The following GDAP1 variants were observed in gnomAD, a reference collection of about 807,000 sequenced individuals.
GDAP1 encodes the protein ganglioside-induced differentiation-associated protein 1.
In GDAP1, 34 loss-of-function variants were observed where a neutral mutation model predicts 40.1. The ratio of observed to expected loss-of-function variants is 0.85; its 90% confidence interval spans 0.64 to 1.13. GDAP1 has a LOEUF of 1.13. Ranked by LOEUF, GDAP1 falls within the 50% of genes most tolerant of loss-of-function variation. The pLI, the probability that GDAP1 is intolerant of heterozygous loss-of-function variation, is 0.00. For synonymous variants in GDAP1, 170 were observed against 157.4 expected, an observed-to-expected ratio of 1.08 and a Z score of -0.60; for missense variants, 374 against 433.7, an observed-to-expected ratio of 0.86 and a Z score of 1.22.
At chr8:74,424,727 G>C (rs1367556006) in intron 2 of GDAP1, among the ~76,000 whole-genome samples, 1 of 152,042 alleles carries the variant, frequency 6.6e-6, no homozygotes, top group African/African-American at 2.4e-5. Context: ...ATTCTGAGAG[G>C]GTGTTCATAG....
At position 74,422,285 on chromosome 8, in the gene GDAP1, T is replaced by TTTTCTTTCTTTCTTTC. The variant is rs556852017; in HGVS notation, c.166-66342_166-66327dup. ...TCTTTTTCTTTTCTTTTCTTTTTTC[T>TTTTCTTTCTTTCTTTC]TTTCTTTCTTTCTTTCTTTCTTTCT... On this transcript the variant is annotated intron_variant, in intron 2 of 2. Transcript: ENST00000523640. 1.7e-3 allele frequency among the ~76,000 whole-genome samples: 152 copies of TTTTCTTTCTTTCTTTC among 87,730 alleles called. 5 individuals are homozygous for TTTTCTTTCTTTCTTTC. The highest frequency in any genetic ancestry group is 2.5e-3 in the Admixed American group (18 of 7,300). The allele number at this position is 87,730 out of a possible 152,430, so 57.6% of individuals were successfully genotyped here. A position where few individuals can be genotyped will look rare whatever the true frequency, so the allele number is the denominator to read the frequency against.
Position 74,364,044 on chromosome 8 carries a change from G to A in GDAP1, c.754G>A (p.Ala252Thr), listed in dbSNP as rs778105019. 15 of 1,613,820 alleles carry A rather than the reference G, an allele frequency of 9.3e-6. No individual in the cohort carries two copies. The highest frequency in any genetic ancestry group is 2.2e-5 in the South Asian group (2 of 91,078). Residue 252 changes from alanine to threonine, a missense_variant, in exon 6 of 6, where the codon GCT (alanine) becomes ACT (threonine). Transcript: ENST00000220822. ...ESFTLADVSL[A>T]VTLHRLKFLG... ...CTTCACCCTGGCAGACGTCTCACTCGCTGTCACATTGCATCGACTGAAGTT... is the reference window on the plus strand; with the variant it reads ...CTTCACCCTGGCAGACGTCTCACTCACTGTCACATTGCATCGACTGAAGTT...
chr8:74,435,776 T>G lies in GDAP1; in HGVS notation c.166-52902T>G, dbSNP rs148445641. 4.7e-4 allele frequency among the ~76,000 whole-genome samples: 71 copies of G among 152,350 alleles called. 1 individual carries two copies. In the East Asian group the frequency reaches 0.013, roughly 27 times the overall value. ...CTCCAAATATCATAAATCAACTCTT[T>G]GATTTCTCTTTACTTTTTCTTCAGT... On this transcript the variant is annotated intron_variant, in intron 2 of 2. Coordinates refer to the GDAP1 transcript ENST00000523640.
intron 2 of GDAP1, among the ~76,000 whole-genome samples, chr8:74,394,662 G>A (rs1485449836): frequency 6.6e-6 from 1 of 151,980 alleles, no homozygotes; most frequent in African/African-American, 2.4e-5. Flanking sequence ...CACTATATAT[G>A]TCAATATTGA....
At chr8:74,422,324 T>C (rs1182677088) in intron 2 of GDAP1, among the ~76,000 whole-genome samples, 5,683 of 67,086 alleles carry the variant, frequency 0.085, 225 homozygotes, top group East Asian at 0.14. Flanking sequence ...TTTCTTTCTT[T>C]CTTTCTTTCT....
At chr8:74,477,415 T>C (rs1262487208) in intron 2 of GDAP1, among the ~76,000 whole-genome samples, 1 of 152,188 alleles carries the variant, frequency 6.6e-6, no homozygotes, top group East Asian at 1.9e-4. Flanking sequence ...TTTCTCATCT[T>C]TGTGGGCTAA....
At chr8:74,385,973 G>A (rs1287276075) in intron 2 of GDAP1, among the ~76,000 whole-genome samples, 2 of 152,158 alleles carry the variant, frequency 1.3e-5, no homozygotes, top group East Asian at 1.9e-4. Context: ...TTTATTGGCC[G>A]CATAAATGCC....
intron 2 of GDAP1, among the ~76,000 whole-genome samples, chr8:74,385,009 G>T (rs1810005147): frequency 6.6e-6 from 1 of 152,026 alleles, no homozygotes. Flanking sequence ...ATGCTAAATA[G>T]CTAAACACTA....
At chr8:74,397,438 A>G (rs1319986004) in intron 2 of GDAP1, among the ~76,000 whole-genome samples, 2 of 152,106 alleles carry the variant, frequency 1.3e-5, no homozygotes, top group Non-Finnish European at 2.9e-5. Flanking sequence ...GCCCATGCCT[A>G]TGTCCTGAAT....
intron 2 of GDAP1, among the ~76,000 whole-genome samples, chr8:74,429,310 A>G (rs182910688): frequency 1.3e-5 from 2 of 152,148 alleles, no homozygotes; most frequent in East Asian, 3.9e-4. Context: ...TAAAAAATAT[A>G]TATATAATAA....
At chr8:74,422,493 C>CTCCTTCCTTCCTTCCTTCCTTCCT (rs67444628) in intron 2 of GDAP1, among the ~76,000 whole-genome samples, 1,066 of 104,778 alleles carry the variant, frequency 0.01, 47 homozygotes, top group African/African-American at 0.039. Context: ...TCCCTCCTTT[C>CTCCTTCCTTCCTTCCTTCCTTCCT]TCCTTCCTTC....
chr8:74,372,392 A>T (rs1370316965), intron 2 of GDAP1, among the ~76,000 whole-genome samples: 2 of 152,218 alleles, frequency 1.3e-5, no homozygotes, highest in Non-Finnish European at 2.9e-5. Flanking sequence ...CCAACAGTGT[A>T]AAAGTGTTCC....
At chr8:74,357,087 G>A (rs1809137185) in intron 2 of GDAP1, among the ~76,000 whole-genome samples, 2 of 152,134 alleles carry the variant, frequency 1.3e-5, no homozygotes, top group African/African-American at 4.8e-5. Context: ...GCTGTATTAT[G>A]CATATTATAT....
intron 2 of GDAP1, among the ~76,000 whole-genome samples, chr8:74,395,430 C>T (rs958632533): frequency 6.6e-6 from 1 of 152,174 alleles, no homozygotes; most frequent in African/African-American, 2.4e-5. Context: ...CATGTCCTTT[C>T]TCTTCTTGAA....
At chr8:74,373,584 T>C (rs1341354012) in intron 2 of GDAP1, among the ~76,000 whole-genome samples, 1 of 152,244 alleles carries the variant, frequency 6.6e-6, no homozygotes, top group Non-Finnish European at 1.5e-5. Context: ...ATAAGAATGC[T>C]TGTGATTTTT....
At chr8:74,470,323 T>C (rs1217157280) in intron 2 of GDAP1, among the ~76,000 whole-genome samples, 1 of 152,232 alleles carries the variant, frequency 6.6e-6, no homozygotes, top group Non-Finnish European at 1.5e-5. Context: ...TACATATGTA[T>C]ACATGTGCCA....
intron 2 of GDAP1, among the ~76,000 whole-genome samples, chr8:74,355,369 A>G (rs1178977068): frequency 1.3e-5 from 2 of 152,232 alleles, no homozygotes; most frequent in Non-Finnish European, 2.9e-5. Flanking sequence ...GCAGCTTGCT[A>G]GTCTTCAAAG....
At chr8:74,435,692 C>A (rs1806080193) in intron 2 of GDAP1, among the ~76,000 whole-genome samples, 1 of 152,156 alleles carries the variant, frequency 6.6e-6, no homozygotes, top group Non-Finnish European at 1.5e-5. Flanking sequence ...ATTTGGTTGT[C>A]AATGATTTCC....
At chr8:74,447,302 A>G (rs552025712) in intron 2 of GDAP1, among the ~76,000 whole-genome samples, 2 of 152,216 alleles carry the variant, frequency 1.3e-5, no homozygotes, top group South Asian at 2.1e-4. Flanking sequence ...AAATTATTTC[A>G]TGAAATTGCT....
Sources: gnomAD v4.1 joint callset for allele counts (sites outside exome capture counted in the v4.1 genomes callset) on GRCh38, gnomAD v4.1.1 for gene constraint, MANE v1.5 for transcripts, NCBI Gene and HGNC (gene_info 2026-07-23, HGNC 2026-07-21) for gene names.